The following GLE1 variants were observed in gnomAD, a reference collection of about 807,000 sequenced individuals.
GLE1 encodes GLE1 RNA export mediator.
In GLE1, 78 loss-of-function variants were observed where a neutral mutation model predicts 97.3. The observed-to-expected ratio is 0.80, with a 90% CI of 0.67 to 0.97. The LOEUF (loss-of-function observed/expected upper bound fraction) is 0.97, where lower values mean the gene tolerates loss of function less well. GLE1 is among the 50% of genes least tolerant of loss of function. The probability of loss-of-function intolerance (pLI) is 0.00; values close to 1 mark genes in which losing one functional copy is unlikely to be tolerated. For missense variants in GLE1, 753 were observed against 857.5 expected (o/e 0.88, Z 1.52); for synonymous variants, 302 against 313.4 (o/e 0.96, Z 0.39).
In GLE1 at chr9:128,513,430, G is replaced by A. The variant is rs1028633682; in HGVS notation, c.322-2099G>A. Among the ~76,000 whole-genome samples, 7 of 152,086 alleles carry A rather than the reference G, an allele frequency of 4.6e-5. No individual in the cohort carries two copies. In the East Asian group the frequency reaches 1.3e-3, roughly 29 times the overall value. On this transcript the variant is annotated intron_variant, in intron 2 of 15. Transcript: ENST00000309971. ...AAGTTCAAAGATATCCATGTCAGGT[G>A]TGTTAATGAAAATAAAAAAGCTGGG...
intron 9 of GLE1, among the ~76,000 whole-genome samples, chr9:128,531,831 C>CAAAAA (rs1206684667): frequency 7.7e-5 from 4 of 51,870 alleles, no homozygotes; most frequent in Non-Finnish European, 1.2e-4. Flanking sequence ...GACTCCAGCT[C>CAAAAA]AAAAAAAAAA....
chr9:128,534,282 T>C (rs559650355), intron 11 of GLE1, among the ~76,000 whole-genome samples: 6 of 152,188 alleles, frequency 3.9e-5, no homozygotes, highest in Admixed American at 1.3e-4. Flanking sequence ...GGCACGAGAA[T>C]TGCTTGAACC....
chr9:128,531,420 G>A (rs138426640), intron 9 of GLE1, among the ~76,000 whole-genome samples: 1,820 of 150,634 alleles, frequency 0.012, 29 homozygotes, highest in African/African-American at 0.042. Context: ...CCAGCTACTC[G>A]GGAGGCTGAG....
chr9:128,535,880 G>T (rs1306711400), intron 11 of GLE1, among the ~76,000 whole-genome samples: 1 of 152,080 alleles, frequency 6.6e-6, no homozygotes, highest in East Asian at 1.9e-4. Context: ...GGAGGCTGAG[G>T]CGGGAGGATC....
At position 128,523,748 on chromosome 9, in the gene GLE1, C is replaced by A; in HGVS notation, c.799C>A (p.Gln267Lys). The part of the protein sequence containing the change: ...QLSQQLDASE[Q>K]HKALLKVDLA... ...CAGCCAGCAGCTGGATGCCTCTGAG[C>A]AGCACAAAGCCCTGCTTAAGGTCGA... The change falls in exon 6 of 16, where the codon CAG (glutamine) becomes AAG (lysine). Residue 267 changes from glutamine (Q) to lysine (K), a missense_variant. By Grantham distance (53) the Gln-to-Lys change is moderately conservative. Transcript: ENST00000309971. 6.2e-7 allele frequency: 1 copy of A among 1,614,078 alleles called. No individual in the cohort carries two copies. Among genetic ancestry groups the A allele is most frequent in the Non-Finnish European group, 8.5e-7 (1 of 1,180,004 alleles).
chr9:128,533,678 G>T, intron 10 of GLE1, 23 bp downstream of exon 10: 4 of 1,613,802 alleles, frequency 2.5e-6, no homozygotes, highest in Non-Finnish European at 3.4e-6. Context: ...GTTGCTAGAG[G>T]TATGGGAAGC....
At chr9:128,518,773 G>A (rs1470581569) in intron 3 of GLE1, among the ~76,000 whole-genome samples, 2 of 150,496 alleles carry the variant, frequency 1.3e-5, no homozygotes, top group African/African-American at 2.4e-5. Context: ...GAGGCTGAGG[G>A]AGGAGAATCG....
chr9:128,520,378 GTA>G (rs973011903), intron 3 of GLE1, among the ~76,000 whole-genome samples: 4 of 147,872 alleles, frequency 2.7e-5, no homozygotes, highest in African/African-American at 7.4e-5. Flanking sequence ...ATGTATATAT[GTA>G]TATGTGTATA....
At position 128,515,605 on chromosome 9, in the gene GLE1, G is replaced by C; in HGVS notation, c.398G>C (p.Arg133Pro). 1 of 1,601,234 alleles carries C rather than the reference G, an allele frequency of 6.2e-7. No individual in the cohort carries two copies. Among genetic ancestry groups the C allele is most frequent in the African/African-American group, 1.3e-5 (1 of 74,764 alleles). ...GGGATCAAAGTGGAAGGCTGCGTCC[G>C]AATGTACGAACTGGTACACAGAATG... The part of the protein sequence containing the change: ...SRGIKVEGCV[R>P]MYELVHRMKG... The change falls in exon 3 of 16, where the codon CGA becomes CCA. Residue 133 changes from arginine (R) to proline (P), a missense_variant. Coordinates refer to ENST00000309971, the MANE Select transcript of GLE1 (RefSeq NM_001003722.2).
Position 128,509,022 on chromosome 9 carries a change from CTCATTTGTTCCCAAA to C in GLE1, c.249_263del (p.Phe84_Ser88del). On this transcript the variant is annotated inframe_deletion, in exon 2 of 16. Transcript: ENST00000309971. ...CGTCAGCTTCAGCCCTAGATCAACCCTCATTTGTTCCCAAATCTCCTGACGCAAGCTCTGCCTTTT... is the reference window on the plus strand; with the variant it reads ...CGTCAGCTTCAGCCCTAGATCAACCCTCTCCTGACGCAAGCTCTGCCTTTT... The C allele has an allele frequency of 6.2e-7, 1 of 1,613,856 alleles. No homozygotes were observed. The highest frequency in any genetic ancestry group is 1.1e-5 in the South Asian group (1 of 91,080).
In GLE1 at chr9:128,504,775, G is replaced by A. The variant is rs1178217878; in HGVS notation, c.-31G>A. The A allele has an allele frequency of 1.4e-6, 2 of 1,398,280 alleles. No homozygotes were observed. The highest frequency in any genetic ancestry group is 2.0e-6 in the Non-Finnish European group (2 of 983,934). The allele number at this position is 1,398,280 out of a possible 1,614,324, so 86.6% of individuals were successfully genotyped here. A position where few individuals can be genotyped will look rare whatever the true frequency, so the allele number is the denominator to read the frequency against. On this transcript the variant is annotated 5_prime_UTR_variant, in exon 1 of 16. Transcript: ENST00000309971. ...TCGAGGGCTTGTTTGGTCAGAAGGG[G>A]GGCGTCAGAGAAGCTGCCCCTTAGC...
intron 11 of GLE1, among the ~76,000 whole-genome samples, chr9:128,535,095 AGGTGCAGTG>A (rs1847657498): frequency 6.6e-6 from 1 of 152,006 alleles, no homozygotes; most frequent in Non-Finnish European, 1.5e-5. Context: ...TCTCTGGGCC[AGGTGCAGTG>A]CCTCATGCCT....
intron 5 of GLE1, 51 bp from the exon 6 acceptor site, chr9:128,523,538 AAAG>A: frequency 6.2e-7 from 1 of 1,608,674 alleles, no homozygotes; most frequent in Non-Finnish European, 8.5e-7. Flanking sequence ...AGGACTGTAG[AAAG>A]AAGAAGCCCA....
chr9:128,526,882 C>T (rs7023508), intron 7 of GLE1, among the ~76,000 whole-genome samples: 1 of 152,080 alleles, frequency 6.6e-6, no homozygotes, highest in Non-Finnish European at 1.5e-5. Context: ...GTTGTGCAAG[C>T]TGGTCTCAAG....
intron 9 of GLE1, among the ~76,000 whole-genome samples, chr9:128,531,626 G>A (rs551045423): frequency 2.6e-5 from 4 of 151,532 alleles, no homozygotes; most frequent in Admixed American, 6.6e-5. Context: ...GAGGTCAGGA[G>A]TTTGAGATCA....
intron 4 of GLE1, 127 bp from the exon 5 acceptor site, chr9:128,523,153 C>T (rs1054336981): frequency 1.2e-5 from 10 of 801,168 alleles, no homozygotes; most frequent in African/African-American, 3.4e-5. Flanking sequence ...GGCAACATAA[C>T]GAGACCCCAT....
chr9:128,507,137 AC>A (rs1189966648), intron 1 of GLE1, among the ~76,000 whole-genome samples: 3 of 152,338 alleles, frequency 2.0e-5, no homozygotes, highest in African/African-American at 7.2e-5. Flanking sequence ...AAGATCTGGT[AC>A]TAGATATGCT....
At chr9:128,534,446 C>T (rs1847631200) in intron 11 of GLE1, among the ~76,000 whole-genome samples, 2 of 152,016 alleles carry the variant, frequency 1.3e-5, no homozygotes, top group African/African-American at 4.8e-5. Context: ...ACTTAGGTGC[C>T]AGTAGTCAAT....
At chr9:128,505,084 A>C (rs901046867) in intron 1 of GLE1, among the ~76,000 whole-genome samples, 180 bp downstream of exon 1, 1 of 152,100 alleles carries the variant, frequency 6.6e-6, no homozygotes, top group African/African-American at 2.4e-5. Flanking sequence ...AGCCTATTTT[A>C]GCGTTTCGGG....
Sources: gnomAD v4.1 joint callset for allele counts (sites outside exome capture counted in the v4.1 genomes callset) on GRCh38, gnomAD v4.1.1 for gene constraint, MANE v1.5 for transcripts, NCBI Gene and HGNC (gene_info 2026-07-23, HGNC 2026-07-21) for gene names.